Variants in KDM6A observed in about 807,000 individuals in gnomAD.
KDM6A encodes lysine demethylase 6A.
In KDM6A, 11 loss-of-function variants were observed where a neutral mutation model predicts 117.6. The ratio of observed to expected loss-of-function variants is 0.09; its 90% CI spans 0.06 to 0.15. The LOEUF (loss-of-function observed/expected upper bound fraction) is 0.15. Ranked by LOEUF, KDM6A falls within the 10% of genes least tolerant of loss-of-function variation. The pLI is 1.00. For synonymous variants in KDM6A, 384 were observed against 396.1 expected (o/e 0.97, Z 0.36); for missense variants, 799 against 1,077.3 (o/e 0.74, Z 3.62).
At chrX:44,951,033 A>C (rs960404242) in intron 2 of KDM6A, among the ~76,000 whole-genome samples, 1 of 110,224 alleles carries the variant, frequency 9.1e-6, no homozygotes, top group African/African-American at 3.3e-5. Flanking sequence ...AAAAAATTCA[A>C]ATGTTCAGCC....
intron 5 of KDM6A, among the ~76,000 whole-genome samples, chrX:45,015,870 A>AT (rs1448645942): frequency 1.8e-5 from 2 of 112,013 alleles, no homozygotes; most frequent in African/African-American, 6.5e-5. Flanking sequence ...GAAATTGTGA[A>AT]TAAAAACATA....
At chrX:44,969,574 C>T (rs959422870) in intron 3 of KDM6A, among the ~76,000 whole-genome samples, 2 of 108,672 alleles carry the variant, frequency 1.8e-5, no homozygotes, top group South Asian at 4.1e-4. Flanking sequence ...CCCGCCACCA[C>T]GCCCGGCTAA....
At chrX:45,093,251 T>C (rs1376579081) in intron 27 of KDM6A, among the ~76,000 whole-genome samples, 1 of 101,009 alleles carries the variant, frequency 9.9e-6, no homozygotes, top group Non-Finnish European at 2.0e-5. Flanking sequence ...GGCATGGTGA[T>C]GGGCACCTGT....
chrX:45,090,704 CTGT>C lies in KDM6A; in HGVS notation c.3893-17_3893-15del. ...TTTGGTACTTTGGGTTGCTTTATAA[CTGT>C]TTTTTTTTTTCCTAGCCTGCCAGTA... On this transcript the variant is annotated splice_polypyrimidine_tract_variant and intron_variant, in intron 26 of 29. Transcript: ENST00000611820. 8.3e-7 allele frequency: 1 copy of C among 1,203,233 alleles called. No individual in the cohort carries two copies. Among genetic ancestry groups the C allele is most frequent in the Non-Finnish European group, 1.1e-6 (1 of 889,987 alleles).
chrX:44,921,744 T>A (rs1309846224), intron 2 of KDM6A, among the ~76,000 whole-genome samples: 1 of 110,881 alleles, frequency 9.0e-6, no homozygotes, highest in African/African-American at 3.3e-5. Context: ...AATATTTGGC[T>A]CTTATAAATA....
chrX:45,059,839 T>C (rs1017769694), intron 12 of KDM6A, among the ~76,000 whole-genome samples, 183 bp from the exon 13 acceptor site: 3 of 112,069 alleles, frequency 2.7e-5, no homozygotes, highest in Non-Finnish European at 5.6e-5. Flanking sequence ...TCAGCTTTGT[T>C]TTGATTCTCA....
At chrX:45,016,030 C>G (rs7052316) in intron 5 of KDM6A, among the ~76,000 whole-genome samples, 5,229 of 111,663 alleles carry the variant, frequency 0.047, 316 homozygotes, top group African/African-American at 0.16. Flanking sequence ...CTAATTTAGC[C>G]TCACATTTAA....
chrX:45,107,827 C>G (rs921352035), intron 28 of KDM6A, among the ~76,000 whole-genome samples: 1 of 111,640 alleles, frequency 9.0e-6, no homozygotes, highest in African/African-American at 3.3e-5. Context: ...TAAGAACAAT[C>G]TAGATGTACA....
At position 44,930,576 on chromosome X, in the gene KDM6A, T is replaced by C. The variant is rs73488859; in HGVS notation, c.226-30708T>C. Among the ~76,000 whole-genome samples the C allele has an allele frequency of 7.8e-3, 869 of 112,028 alleles. 14 individuals carry two copies. The highest frequency in any genetic ancestry group is 0.027 in the African/African-American group (832 of 30,842). On this transcript the variant is annotated intron_variant, in intron 2 of 29. Coordinates refer to ENST00000611820, the MANE Select transcript of KDM6A (RefSeq NM_001291415.2). ...CAAGATATACTCTTATTAAAATGTA[T>C]TGGTTCTGTATTTGCCACAGTGCAG...
At chrX:44,889,384 AATCT>A (rs2033156474) in intron 2 of KDM6A, among the ~76,000 whole-genome samples, 1 of 112,313 alleles carries the variant, frequency 8.9e-6, no homozygotes, top group Admixed American at 9.5e-5. Flanking sequence ...TTTTATTATA[AATCT>A]ATCAGTTAAA....
At chrX:44,931,657 CAA>C (rs1297966450) in intron 2 of KDM6A, among the ~76,000 whole-genome samples, 1 of 110,967 alleles carries the variant, frequency 9.0e-6, no homozygotes, top group Non-Finnish European at 1.9e-5. Context: ...CTAAAGTAGT[CAA>C]AATCATAGAA....
intron 4 of KDM6A, among the ~76,000 whole-genome samples, chrX:44,987,775 C>G (rs2147361959): frequency 1.8e-5 from 2 of 111,873 alleles, no homozygotes; most frequent in East Asian, 5.6e-4. Context: ...GCTGAGAGAT[C>G]AGCTGTTAGT....
intron 4 of KDM6A, among the ~76,000 whole-genome samples, chrX:44,983,110 T>C (rs192612471): frequency 1.8e-5 from 2 of 111,932 alleles, no homozygotes; most frequent in East Asian, 5.6e-4. Context: ...AAAAGCAGTA[T>C]ATTTTGGAAT....
At chrX:45,074,372 A>G (rs1483538903) in intron 18 of KDM6A, among the ~76,000 whole-genome samples, 1 of 112,209 alleles carries the variant, frequency 8.9e-6, no homozygotes. Flanking sequence ...GGGCATTTAC[A>G]TAGAAGATAA....
intron 27 of KDM6A, 168 bp from the exon 28 acceptor site, chrX:45,107,242 T>C: frequency 4.1e-6 from 2 of 491,630 alleles, no homozygotes; most frequent in Middle Eastern, 4.9e-4. Context: ...CTGCTGAGCA[T>C]TGTCATTTTA....
chrX:45,107,014 A>G (rs1453079768), intron 27 of KDM6A: 1 of 183,694 alleles, frequency 5.4e-6, no homozygotes, highest in South Asian at 9.2e-5. Context: ...CTGCCTTACT[A>G]GAATCATAGA....
intron 2 of KDM6A, among the ~76,000 whole-genome samples, chrX:44,920,850 A>ATTTTTTGTT (rs1260097663): frequency 1.0e-5 from 1 of 99,897 alleles, no homozygotes; most frequent in African/African-American, 3.7e-5. Context: ...TTGCTTTTTA[A>ATTTTTTGTT]TTTTTTCTTT....
chrX:45,068,218 A>G (rs1369679136), intron 17 of KDM6A, among the ~76,000 whole-genome samples: 2 of 111,553 alleles, frequency 1.8e-5, no homozygotes, highest in Non-Finnish European at 3.8e-5. Flanking sequence ...TATGATTCCA[A>G]TGTTACTTTA....
At position 45,082,329 on chromosome X, in the gene KDM6A, G is replaced by A. The variant is rs111868449; in HGVS notation, c.3301-247G>A. 0.015 allele frequency: 5,636 copies of A among 370,280 alleles called. 276 individuals carry two copies. Among genetic ancestry groups the A allele is most frequent in the African/African-American group, 0.13 (5,074 of 38,522 alleles). The allele number at this position is 370,280 out of a possible 1,213,427, so 30.5% of individuals were successfully genotyped here. On this transcript the variant is annotated intron_variant, in intron 21 of 29. Transcript: ENST00000611820. ...GCACCTAATAGTCCCAGCTACTGAG[G>A]AGGCTGAGGCAGGAGAATCGTTTGA...
Sources: allele counts gnomAD v4.1 joint callset (sites outside exome capture counted in the v4.1 genomes callset), GRCh38; gene constraint gnomAD v4.1.1; transcripts MANE v1.5; gene names NCBI Gene and HGNC (gene_info 2026-07-23, HGNC 2026-07-21).